TBC1D22A: variants seen among roughly 807,000 people sequenced by gnomAD.
TBC1D22A encodes the protein TBC1 domain family member 22A, also known as putative GTPase activator.
A neutral mutation model predicts 60.2 loss-of-function variants in TBC1D22A; 38 were observed. The observed-to-expected ratio is 0.63, with a 90% CI of 0.49 to 0.83. The LOEUF is 0.83. Among genes scored for constraint, TBC1D22A ranks in the 40% least tolerant of loss-of-function variants. The pLI is 0.00. For synonymous variants in TBC1D22A, 302 were observed against 281.7 expected (o/e 1.07, Z -0.72); for missense variants, 628 against 701.0 (o/e 0.90, Z 1.18).
At chr22:47,046,108 G>A (rs764370689) in intron 11 of TBC1D22A, among the ~76,000 whole-genome samples, 2 of 152,224 alleles carry the variant, frequency 1.3e-5, no homozygotes, top group Non-Finnish European at 2.9e-5. Flanking sequence ...TCTGGGTGAT[G>A]TGAGGTGTGG....
chr22:47,058,271 C>T (rs557842282), intron 11 of TBC1D22A, among the ~76,000 whole-genome samples: 2 of 152,290 alleles, frequency 1.3e-5, no homozygotes, highest in Admixed American at 6.5e-5. Flanking sequence ...CCGTGCAGGC[C>T]TGGAGCTGCT....
At chr22:47,138,992 G>A (rs1460078952) in intron 12 of TBC1D22A, among the ~76,000 whole-genome samples, 1 of 152,200 alleles carries the variant, frequency 6.6e-6, no homozygotes, top group African/African-American at 2.4e-5. Flanking sequence ...AAACACAAAC[G>A]TTCCAGCCGT....
chr22:46,820,878 C>A (rs546419467), intron 4 of TBC1D22A, among the ~76,000 whole-genome samples: 38 of 152,282 alleles, frequency 2.5e-4, no homozygotes, highest in South Asian at 4.2e-4. Flanking sequence ...TTGTAGGTCT[C>A]TAAGAACTTG....
At chr22:47,034,069 G>T (rs568670335) in intron 10 of TBC1D22A, among the ~76,000 whole-genome samples, 3 of 152,218 alleles carry the variant, frequency 2.0e-5, no homozygotes, top group Non-Finnish European at 4.4e-5. Context: ...CACTTGCCGC[G>T]CTGCCCTTTA....
chr22:46,817,486 A>G (rs801471), intron 4 of TBC1D22A, among the ~76,000 whole-genome samples: 8,234 of 152,132 alleles, frequency 0.054, 756 homozygotes, highest in African/African-American at 0.19. Flanking sequence ...ACTCCCAGCT[A>G]TGAGTGAGAA....
intron 4 of TBC1D22A, among the ~76,000 whole-genome samples, chr22:46,861,203 C>T (rs1030166085): frequency 1.4e-4 from 21 of 152,102 alleles, no homozygotes; most frequent in African/African-American, 3.4e-4. Flanking sequence ...AGTGATCCAC[C>T]GTGCCTCGGC....
In TBC1D22A at chr22:47,041,873, G is replaced by A. The variant is rs554378046; in HGVS notation, c.1329+4675G>A. On this transcript the variant is annotated intron_variant, in intron 11 of 12. Coordinates refer to ENST00000337137, the MANE Select transcript of TBC1D22A (RefSeq NM_014346.5). ...ACAGACGTGGACAGCGGGCGTGGCC[G>A]TGTCCCTGTGAGACTTGCCTACCGA... is the stretch of plus-strand genomic sequence containing the variant. Among the ~76,000 whole-genome samples the A allele has an allele frequency of 4.6e-5, 7 of 152,330 alleles. No individual in the cohort carries two copies. The East Asian group carries it at 7.7e-4, about 17-fold the overall frequency.
At chr22:47,101,016 G>A (rs1384331932) in intron 11 of TBC1D22A, among the ~76,000 whole-genome samples, 2 of 152,150 alleles carry the variant, frequency 1.3e-5, no homozygotes, top group Admixed American at 6.5e-5. Flanking sequence ...GTGTGGAAAC[G>A]TGCCCGATTT....
At chr22:47,015,600 A>C (rs906329894) in intron 10 of TBC1D22A, among the ~76,000 whole-genome samples, 1 of 152,178 alleles carries the variant, frequency 6.6e-6, no homozygotes, top group Non-Finnish European at 1.5e-5. Flanking sequence ...CCACACACAT[A>C]TAATTGTTCT....
intron 4 of TBC1D22A, among the ~76,000 whole-genome samples, chr22:46,806,700 A>G (rs2085155716): frequency 6.6e-6 from 1 of 152,182 alleles, no homozygotes; most frequent in African/African-American, 2.4e-5. Context: ...GTGATAATGT[A>G]CCTTTGACTT....
At position 47,173,684 on chromosome 22, in the gene TBC1D22A, G is replaced by C; in HGVS notation, c.*58G>C. On this transcript the variant is annotated 3_prime_UTR_variant, in exon 13 of 13. Coordinates refer to ENST00000337137, the MANE Select transcript of TBC1D22A (RefSeq NM_014346.5). ...CCGGGTGGCGCGCCCCACCTGCCTG[G>C]CTGGTGGTAGGCCCCTGTGAGCTGG... The C allele has an allele frequency of 6.2e-7, 1 of 1,606,776 alleles. No homozygotes were observed. The highest frequency in any genetic ancestry group is 8.5e-7 in the Non-Finnish European group (1 of 1,175,888).
intron 1 of TBC1D22A, among the ~76,000 whole-genome samples, chr22:46,770,729 T>C (rs937331198): frequency 6.6e-5 from 10 of 152,260 alleles, no homozygotes; most frequent in African/African-American, 2.4e-4. Context: ...TTCCTCAGAA[T>C]GTTGGCTGCT....
intron 11 of TBC1D22A, among the ~76,000 whole-genome samples, chr22:47,096,681 G>T (rs1246345601): frequency 6.6e-6 from 1 of 152,156 alleles, no homozygotes; most frequent in Non-Finnish European, 1.5e-5. Context: ...AATTAGCCGG[G>T]TGTAGTGGCG....
At position 46,891,268 on chromosome 22, in the gene TBC1D22A, T is replaced by C; in HGVS notation, c.711T>C (p.Gly237=). 1 of 1,605,234 alleles carries C rather than the reference T, an allele frequency of 6.2e-7. No homozygotes were observed. The highest frequency in any genetic ancestry group is 8.5e-7 in the Non-Finnish European group (1 of 1,177,410). The change falls in exon 6 of 13, where the codon GGT becomes GGC. Residue 237 remains glycine (G), a splice_region_variant and synonymous_variant. Transcript: ENST00000337137. The part of the protein sequence containing the change: ...VRPMTWKLLS[G]YLPANVDRRP... ...TTTTTTGTTTATTTCTCACCCAGGG[T>C]TACCTTCCCGCCAATGTAGACCGGA... is the stretch of plus-strand genomic sequence containing the variant.
chr22:46,781,245 A>C (rs1323150748), intron 1 of TBC1D22A, among the ~76,000 whole-genome samples: 1 of 148,466 alleles, frequency 6.7e-6, no homozygotes, highest in Admixed American at 6.9e-5. Context: ...GCGTGATCTT[A>C]GCTCACTGCA....
At chr22:47,147,498 C>T (rs900938261) in intron 12 of TBC1D22A, among the ~76,000 whole-genome samples, 16 of 152,322 alleles carry the variant, frequency 1.1e-4, no homozygotes, top group African/African-American at 1.2e-4. Flanking sequence ...AACACACACA[C>T]GTTCTGCACC....
chr22:46,921,066 C>T (rs566700978), intron 8 of TBC1D22A, among the ~76,000 whole-genome samples: 7 of 152,228 alleles, frequency 4.6e-5, no homozygotes, highest in East Asian at 1.9e-4. Context: ...CCACTGTGCC[C>T]GGCTACTATG....
intron 4 of TBC1D22A, among the ~76,000 whole-genome samples, chr22:46,815,991 G>A (rs536815746): frequency 6.6e-6 from 1 of 152,182 alleles, no homozygotes; most frequent in Non-Finnish European, 1.5e-5. Context: ...GGGCTCTGGG[G>A]AACGAGAAGC....
chr22:46,782,715 A>T (rs2083993077), intron 1 of TBC1D22A, among the ~76,000 whole-genome samples: 1 of 152,064 alleles, frequency 6.6e-6, no homozygotes, highest in African/African-American at 2.4e-5. Context: ...TGGATGTTGT[A>T]TGTCGGTGGA....
Sources: allele counts gnomAD v4.1 joint callset (sites outside exome capture counted in the v4.1 genomes callset), GRCh38; gene constraint gnomAD v4.1.1; transcripts MANE v1.5; gene names NCBI Gene and HGNC (gene_info 2026-07-23, HGNC 2026-07-21).